Variants in NKAIN3 observed in about 807,000 individuals in gnomAD.
NKAIN3 encodes sodium/potassium-transporting ATPase subunit beta-1-interacting protein 3.
Under a neutral mutation model 30.2 loss-of-function variants are expected in NKAIN3, and 25 were observed. That is an observed-to-expected ratio of 0.83 (90% CI 0.60 to 1.16). The LOEUF is 1.16. NKAIN3 is among the 50% of genes most tolerant of loss of function. NKAIN3 has a pLI of 0.00. For synonymous variants in NKAIN3, 91 were observed against 89.6 expected, an observed-to-expected ratio of 1.02 and a Z score of -0.09; for missense variants, 225 against 254.1, an observed-to-expected ratio of 0.89 and a Z score of 0.78.
chr8:62,732,453 T>C (rs1815502334), intron 3 of NKAIN3, among the ~76,000 whole-genome samples: 1 of 152,128 alleles, frequency 6.6e-6, no homozygotes, highest in South Asian at 2.1e-4. Context: ...TTATTGTCAG[T>C]CCACATTATC....
intron 4 of NKAIN3, chr8:62,863,514 A>G (rs1406408652): frequency 6.8e-7 from 1 of 1,461,540 alleles, no homozygotes; most frequent in Non-Finnish European, 9.5e-7. Context: ...AGGCCTTGAT[A>G]GTTGAACTTG....
chr8:62,387,823 T>C (rs1312422598), intron 1 of NKAIN3, among the ~76,000 whole-genome samples: 1 of 152,182 alleles, frequency 6.6e-6, no homozygotes, highest in Non-Finnish European at 1.5e-5. Context: ...TGGTAGTAAA[T>C]ATAATTTCAA....
rs577273250 is a variant in NKAIN3 at position 62,928,914 on chromosome 8, G to A, written c.532+10401G>A. Among the ~76,000 whole-genome samples the A allele has an allele frequency of 2.3e-4, 35 of 152,324 alleles. 1 individual carries two copies. Among genetic ancestry groups the A allele is most frequent in the South Asian group, 2.1e-3 (10 of 4,816 alleles). ...GTTCCCTCGCAGACAGGGAGACCCCGAGTAGAAACAGGCAGGAGTTCTCCT... is the reference window on the plus strand; with the variant it reads ...GTTCCCTCGCAGACAGGGAGACCCCAAGTAGAAACAGGCAGGAGTTCTCCT... On this transcript the variant is annotated intron_variant, in intron 5 of 6. Transcript: ENST00000623646.
chr8:62,793,570 C>A (rs1817763618), intron 4 of NKAIN3, among the ~76,000 whole-genome samples: 2 of 152,088 alleles, frequency 1.3e-5, no homozygotes, highest in African/African-American at 2.4e-5. Context: ...CACTACCTAT[C>A]AGTAGATCCA....
Position 62,528,365 on chromosome 8 carries a change from G to A in NKAIN3, c.55-51174G>A, listed in dbSNP as rs368952694. 2.6e-3 allele frequency among the ~76,000 whole-genome samples: 291 copies of A among 111,334 alleles called. 3 individuals carry two copies. Among genetic ancestry groups the A allele is most frequent in the Middle Eastern group, 0.01 (2 of 200 alleles). The allele number at this position is 111,334 out of a possible 152,430, so 73.0% of individuals were successfully genotyped here. A position where few individuals can be genotyped will look rare whatever the true frequency, so the allele number is the denominator to read the frequency against. On this transcript the variant is annotated intron_variant, in intron 1 of 6. Coordinates refer to ENST00000623646, the MANE Select transcript of NKAIN3 (RefSeq NM_001304533.3). Reference sequence around the variant, plus strand: ...AATATATATATATATGACTTTTGTTGTAGAATAAATGTAACACAAAATGTT... The same window carrying A: ...AATATATATATATATGACTTTTGTTATAGAATAAATGTAACACAAAATGTT...
At chr8:62,283,644 C>T (rs1585631651) in intron 1 of NKAIN3, among the ~76,000 whole-genome samples, 2 of 152,064 alleles carry the variant, frequency 1.3e-5, no homozygotes, top group Admixed American at 1.3e-4. Context: ...TATATTTCAT[C>T]TTTGATTTAA....
chr8:62,772,842 G>A (rs995088438), intron 4 of NKAIN3, among the ~76,000 whole-genome samples: 1 of 151,926 alleles, frequency 6.6e-6, no homozygotes, highest in African/African-American at 2.4e-5. Flanking sequence ...TGTATTTTTA[G>A]TAGAGACAGG....
chr8:62,397,462 T>C (rs1481339189), intron 1 of NKAIN3, among the ~76,000 whole-genome samples: 1 of 152,132 alleles, frequency 6.6e-6, no homozygotes, highest in Non-Finnish European at 1.5e-5. Context: ...TGCAGAGAGT[T>C]GTAGGTGATA....
At position 62,454,175 on chromosome 8, in the gene NKAIN3, A is replaced by G. The variant is rs374998215; in HGVS notation, c.55-125364A>G. On this transcript the variant is annotated intron_variant, in intron 1 of 6. Coordinates refer to ENST00000623646, the MANE Select transcript of NKAIN3 (RefSeq NM_001304533.3). ...GTGTTGTGGACTTCACTCCATAACA[A>G]TATGCTACTTCAATTTATATATTAA... Among the ~76,000 whole-genome samples, 4 of 151,838 alleles carry G rather than the reference A, an allele frequency of 2.6e-5. No homozygotes were observed. The East Asian group carries it at 5.8e-4, about 22-fold the overall frequency.
At chr8:62,870,276 A>T (rs76292198) in intron 4 of NKAIN3, among the ~76,000 whole-genome samples, 2 of 103,078 alleles carry the variant, frequency 1.9e-5, no homozygotes, top group Admixed American at 1.0e-4. Flanking sequence ...ATATAGATAT[A>T]TATAAATATC....
chr8:62,800,699 G>T (rs1304050635), intron 4 of NKAIN3, among the ~76,000 whole-genome samples: 1 of 152,208 alleles, frequency 6.6e-6, no homozygotes, highest in Admixed American at 6.5e-5. Flanking sequence ...GCAGAAGACG[G>T]GTGATTTCTG....
chr8:62,401,037 C>CTCTCTCTCTCTCTT (rs1265333211), intron 1 of NKAIN3, among the ~76,000 whole-genome samples: 1 of 151,792 alleles, frequency 6.6e-6, no homozygotes, highest in Non-Finnish European at 1.5e-5. Flanking sequence ...CTCTCTCTCT[C>CTCTCTCTCTCTCTT]TACATCCTCT....
intron 1 of NKAIN3, among the ~76,000 whole-genome samples, chr8:62,567,844 A>G (rs1809806921): frequency 6.6e-6 from 1 of 152,168 alleles, no homozygotes; most frequent in South Asian, 2.1e-4. Flanking sequence ...TATAAAGTAA[A>G]AAGATTATAA....
intron 3 of NKAIN3, among the ~76,000 whole-genome samples, chr8:62,707,056 TACAC>T (rs35879987): frequency 0.011 from 1,610 of 142,956 alleles, 25 homozygotes; most frequent in African/African-American, 0.037. Context: ...CATACATACA[TACAC>T]ACACACACAC....
chr8:62,911,210 G>T (rs1051671169), intron 4 of NKAIN3, among the ~76,000 whole-genome samples: 15 of 152,090 alleles, frequency 9.9e-5, no homozygotes, highest in African/African-American at 3.4e-4. Context: ...ATTCGTTGTG[G>T]CATTAAGCTA....
intron 4 of NKAIN3, among the ~76,000 whole-genome samples, chr8:62,900,507 C>G (rs1218515445): frequency 5.9e-5 from 9 of 152,186 alleles, no homozygotes; most frequent in Non-Finnish European, 1.3e-4. Flanking sequence ...GCCAGAGTGT[C>G]CCTACCTAAG....
rs1586342648 is a variant in NKAIN3 at position 62,915,179 on chromosome 8, A to G, written c.472-3274A>G. Among the ~76,000 whole-genome samples the G allele has an allele frequency of 2.0e-5, 3 of 152,338 alleles. No individual in the cohort carries two copies. In the East Asian group the frequency reaches 5.8e-4, roughly 29 times the overall value. ...GTTCACAGATGTGATAGGCAGAATA[A>G]CAGTTCCCTAAAGATTTCCACGTCC... On this transcript the variant is annotated intron_variant, in intron 4 of 6. Transcript: ENST00000623646.
At chr8:62,475,144 A>G (rs1419648693) in intron 1 of NKAIN3, among the ~76,000 whole-genome samples, 2 of 152,190 alleles carry the variant, frequency 1.3e-5, no homozygotes, top group African/African-American at 2.4e-5. Context: ...TAAAAAAAGA[A>G]TAAAGACAAT....
chr8:62,719,992 T>C (rs1007862119), intron 3 of NKAIN3, among the ~76,000 whole-genome samples: 37 of 152,048 alleles, frequency 2.4e-4, no homozygotes, highest in African/African-American at 8.4e-4. Flanking sequence ...CTCCTGGCCT[T>C]GTGATCCGCC....
Sources: allele counts gnomAD v4.1 joint callset (sites outside exome capture counted in the v4.1 genomes callset), GRCh38; gene constraint gnomAD v4.1.1; transcripts MANE v1.5; gene names NCBI Gene and HGNC (gene_info 2026-07-23, HGNC 2026-07-21).